The following CDC42BPB variants were observed in gnomAD, a reference collection of about 807,000 sequenced individuals.
CDC42BPB encodes the protein serine/threonine-protein kinase MRCK beta.
In CDC42BPB, 37 loss-of-function variants were observed where a neutral mutation model predicts 214.9. The ratio of observed to expected loss-of-function variants is 0.17; its 90% CI spans 0.13 to 0.23. The LOEUF (loss-of-function observed/expected upper bound fraction) is 0.23. CDC42BPB is among the 10% of genes least tolerant of loss of function. The pLI, the probability that CDC42BPB is intolerant of heterozygous loss-of-function variation, is 1.00. For missense variants in CDC42BPB, 1,694 were observed against 2,227.0 expected (o/e 0.76, Z 4.82); for synonymous variants, 931 against 884.0 (o/e 1.05, Z -0.94).
intron 1 of CDC42BPB, among the ~76,000 whole-genome samples, chr14:103,035,089 T>A (rs902231186): frequency 6.6e-6 from 1 of 151,504 alleles, no homozygotes; most frequent in African/African-American, 2.4e-5. Flanking sequence ...GGAGTTTCGC[T>A]TTTGTTGCCC....
chr14:102,967,824 A>G (rs1412070812), intron 16 of CDC42BPB, among the ~76,000 whole-genome samples: 2 of 152,198 alleles, frequency 1.3e-5, no homozygotes, highest in Non-Finnish European at 2.9e-5. Context: ...CGGCCGGCGC[A>G]GTGGCTCATG....
At chr14:102,937,470 T>C (rs1267416224) in intron 36 of CDC42BPB, among the ~76,000 whole-genome samples, 1 of 152,238 alleles carries the variant, frequency 6.6e-6, no homozygotes, top group Non-Finnish European at 1.5e-5. Flanking sequence ...AGATGTGTGG[T>C]GGAGAGATGA....
intron 5 of CDC42BPB, 102 bp downstream of exon 5, chr14:102,999,463 C>A: frequency 8.5e-7 from 1 of 1,181,834 alleles, no homozygotes; most frequent in Non-Finnish European, 1.2e-6. Flanking sequence ...TGGGGACTCG[C>A]TACCTACATG....
intron 1 of CDC42BPB, 57 bp downstream of exon 1, chr14:103,056,942 G>C: frequency 8.1e-7 from 1 of 1,230,136 alleles, no homozygotes; most frequent in African/African-American, 1.6e-5. Flanking sequence ...GGGGATGCGC[G>C]GGCTGGGGCG....
chr14:102,962,578 G>A (rs990246394), intron 20 of CDC42BPB, among the ~76,000 whole-genome samples: 6 of 152,324 alleles, frequency 3.9e-5, no homozygotes, highest in Admixed American at 1.3e-4. Flanking sequence ...GGCTGGGCAC[G>A]GTGGCTCACA....
In CDC42BPB at chr14:102,935,511, C is replaced by T. The variant is rs144224917; in HGVS notation, c.5005-1668G>A. On this transcript the variant is annotated intron_variant, in intron 36 of 36. Transcript: ENST00000361246. Reference sequence around the variant, plus strand: ...TATTGTTAAGATGGCTGTACTAGGCCGGGTATAGTGCCTCACGCCTGTAAT... The same window carrying T: ...TATTGTTAAGATGGCTGTACTAGGCTGGGTATAGTGCCTCACGCCTGTAAT... Among the ~76,000 whole-genome samples the T allele has an allele frequency of 1.5e-4, 23 of 152,242 alleles. No homozygotes were observed. The East Asian group carries it at 3.9e-3, about 26-fold the overall frequency.
intron 1 of CDC42BPB, among the ~76,000 whole-genome samples, chr14:103,042,288 TA>T (rs1367997041): frequency 1.3e-5 from 2 of 152,014 alleles, no homozygotes; most frequent in Non-Finnish European, 2.9e-5. Context: ...AGAGAACTCT[TA>T]AAATTCAACA....
In CDC42BPB at chr14:102,947,704, T is replaced by C; in HGVS notation, c.3531+17A>G. 1 of 1,593,134 alleles carries C rather than the reference T, an allele frequency of 6.3e-7. No individual in the cohort carries two copies. Among genetic ancestry groups the C allele is most frequent in the Non-Finnish European group, 8.6e-7 (1 of 1,162,218 alleles). On this transcript the variant is annotated intron_variant, in intron 27 of 36. Transcript: ENST00000361246. ...TAACCATGTGCTTTGTTAAAAAGAT[T>C]AATGAAAAATTCATACCCTGAATAT... is the stretch of plus-strand genomic sequence containing the variant.
At chr14:103,038,731 G>GGGGGGGGGGGGTT (rs1887817268) in intron 1 of CDC42BPB, among the ~76,000 whole-genome samples, 1 of 47,458 alleles carries the variant, frequency 2.1e-5, no homozygotes, top group Admixed American at 3.3e-4. Context: ...GGGGGGGCGG[G>GGGGGGGGGGGGTT]TCTCATTATG....
chr14:102,997,594 A>C (rs1391705775), intron 5 of CDC42BPB, among the ~76,000 whole-genome samples: 1 of 152,136 alleles, frequency 6.6e-6, no homozygotes, highest in Non-Finnish European at 1.5e-5. Context: ...GCCAAGGAAA[A>C]CCAGATCGAG....
chr14:102,948,104 C>T, intron 26 of CDC42BPB: 1 of 273,350 alleles, frequency 3.7e-6, no homozygotes, highest in Non-Finnish European at 5.0e-6. Flanking sequence ...CACAGCCAGG[C>T]AGTCCCTCCA....
At chr14:102,962,095 AAACC>A (rs1184924404) in intron 20 of CDC42BPB, among the ~76,000 whole-genome samples, 1 of 152,230 alleles carries the variant, frequency 6.6e-6, no homozygotes, top group Non-Finnish European at 1.5e-5. Context: ...TATGCAAGTT[AAACC>A]TCTACGGAGA....
intron 1 of CDC42BPB, among the ~76,000 whole-genome samples, chr14:103,013,336 G>A (rs1886264978): frequency 6.6e-6 from 1 of 152,182 alleles, no homozygotes; most frequent in Admixed American, 6.5e-5. Flanking sequence ...TAACAGTAAT[G>A]TCCACCAGTC....
At position 102,946,200 on chromosome 14, in the gene CDC42BPB, T is replaced by A. The variant is rs35736715; in HGVS notation, c.3748+268A>T. On this transcript the variant is annotated intron_variant, in intron 28 of 36. Transcript: ENST00000361246. ...TATTTTATTTTTATTTTTATTTTTT[T>A]TTTTAGCAGAGACAGGGTTTCACCG... is the stretch of plus-strand genomic sequence containing the variant. Among the ~76,000 whole-genome samples the A allele has an allele frequency of 7.0e-3, 1,063 of 152,218 alleles. 18 individuals carry two copies. Among genetic ancestry groups the A allele is most frequent in the African/African-American group, 0.024 (1,010 of 41,518 alleles).
At chr14:103,024,818 A>AAC (rs1394299368) in intron 1 of CDC42BPB, among the ~76,000 whole-genome samples, 18 of 152,180 alleles carry the variant, frequency 1.2e-4, no homozygotes, top group Non-Finnish European at 2.4e-4. Flanking sequence ...GGCTCAAGTG[A>AAC]TCTGCCCACC....
chr14:103,051,154 C>CGGGGGGGGGGGGGGGGGGGGGGG (rs1179516926), intron 1 of CDC42BPB, among the ~76,000 whole-genome samples: 2 of 6,840 alleles, frequency 2.9e-4, no homozygotes, highest in African/African-American at 9.3e-4. Context: ...GTATTTGGGG[C>CGGGGGGGGGGGGGGGGGGGGGGG]GGGGGGGCGG....
At chr14:102,985,538 T>C (rs1434580160) in intron 6 of CDC42BPB, among the ~76,000 whole-genome samples, 5 of 152,214 alleles carry the variant, frequency 3.3e-5, no homozygotes, top group African/African-American at 1.2e-4. Context: ...GCCTACCAAT[T>C]AATCAATATG....
intron 21 of CDC42BPB, among the ~76,000 whole-genome samples, chr14:102,956,026 A>C (rs1460225383): frequency 6.6e-6 from 1 of 152,268 alleles, no homozygotes; most frequent in Non-Finnish European, 1.5e-5. Flanking sequence ...AATGTAAGCA[A>C]ATCTGCCCCA....
intron 36 of CDC42BPB, among the ~76,000 whole-genome samples, chr14:102,935,733 T>C (rs1048084573): frequency 2.2e-5 from 3 of 138,340 alleles, no homozygotes; most frequent in Non-Finnish European, 4.5e-5. Flanking sequence ...AAGGTTGCAG[T>C]GAGCCAAGAT....
Sources: gnomAD v4.1 joint callset for allele counts (sites outside exome capture counted in the v4.1 genomes callset) on GRCh38, gnomAD v4.1.1 for gene constraint, MANE v1.5 for transcripts, NCBI Gene and HGNC (gene_info 2026-07-23, HGNC 2026-07-21) for gene names.